Variants in RNF182 observed in about 807,000 individuals in gnomAD.
RNF182 encodes the protein ring finger protein 182.
Under a neutral mutation model 14.4 loss-of-function variants are expected in RNF182, and 15 were observed. That is an observed-to-expected ratio of 1.04 (90% CI 0.70 to 1.60). The LOEUF is 1.60. Ranked by LOEUF, RNF182 falls within the 40% of genes most tolerant of loss-of-function variation. The probability of loss-of-function intolerance (pLI) is 0.00; values close to 1 mark genes in which losing one functional copy is unlikely to be tolerated. For missense variants in RNF182, 268 were observed against 294.8 expected, an observed-to-expected ratio of 0.91 and a Z score of 0.67; for synonymous variants, 128 against 122.9, an observed-to-expected ratio of 1.04 and a Z score of -0.27.
At chr6:13,944,340 G>A (rs140968640) in intron 1 of RNF182, among the ~76,000 whole-genome samples, 1 of 152,298 alleles carries the variant, frequency 6.6e-6, no homozygotes, top group East Asian at 1.9e-4. Flanking sequence ...GGCATGTTAA[G>A]GAGGTGGTTT....
chr6:13,949,717 G>A (rs1009703505), intron 1 of RNF182: 7 of 232,148 alleles, frequency 3.0e-5, no homozygotes, highest in African/African-American at 4.6e-5. Context: ...CTTTGTGTAC[G>A]ATATCTTCAC....
chr6:13,934,877 C>A (rs960873247), intron 1 of RNF182, among the ~76,000 whole-genome samples: 3 of 152,112 alleles, frequency 2.0e-5, no homozygotes, highest in Admixed American at 1.3e-4. Flanking sequence ...TGATCAAGAG[C>A]AGAGCATTTC....
chr6:13,975,474 G>GA (rs1472851962), intron 2 of RNF182, among the ~76,000 whole-genome samples: 2 of 152,080 alleles, frequency 1.3e-5, no homozygotes, highest in East Asian at 1.9e-4. Flanking sequence ...TACTGTATTT[G>GA]AAAAAATCCT....
intron 1 of RNF182, among the ~76,000 whole-genome samples, chr6:13,934,509 G>T (rs1193488259): frequency 6.6e-6 from 1 of 152,150 alleles, no homozygotes; most frequent in Non-Finnish European, 1.5e-5. Context: ...TTTTCTGAGT[G>T]ACTTCTCCAA....
rs770391007 is a variant in RNF182, at chr6:13,977,104, G to A, written c.-16G>A. The A allele has an allele frequency of 4.4e-6, 7 of 1,602,498 alleles. No homozygotes were observed. The African/African-American group carries it at 8.0e-5, about 18-fold the overall frequency. The stretch of plus-strand genomic sequence containing the variant: ...AACAAGACCCACCTGGCATAAGATT[G>A]CACACATAATTCAAGATGGCCAGTC... On this transcript the variant is annotated 5_prime_UTR_variant, in exon 3 of 3. Transcript: ENST00000488300.
At chr6:13,957,537 T>C (rs555137637) in intron 1 of RNF182, among the ~76,000 whole-genome samples, 2 of 152,312 alleles carry the variant, frequency 1.3e-5, no homozygotes, top group East Asian at 3.8e-4. Flanking sequence ...CCGAGTACGG[T>C]TGGACCTTGG....
intron 1 of RNF182, among the ~76,000 whole-genome samples, chr6:13,951,048 C>T (rs897298807): frequency 1.3e-5 from 2 of 152,100 alleles, no homozygotes; most frequent in African/African-American, 4.8e-5. Context: ...CTGCCCACCT[C>T]AGCCTTCCAA....
rs569975469 is a variant in RNF182 at position 13,976,200 on chromosome 6, G to A, written c.-211-709G>A. ...ATCTGTGTTTACTTCTCTTTCTTGGGACTTAGACTTGACTTGTTCATAATG... is the reference window on the plus strand; with the variant it reads ...ATCTGTGTTTACTTCTCTTTCTTGGAACTTAGACTTGACTTGTTCATAATG... On this transcript the variant is annotated intron_variant, in intron 2 of 2. Transcript: ENST00000488300. Among the ~76,000 whole-genome samples the A allele has an allele frequency of 1.9e-4, 29 of 152,236 alleles. No homozygotes were observed. In the South Asian group the frequency reaches 4.1e-3, roughly 22 times the overall value.
chr6:13,951,046 C>T (rs1759577741), intron 1 of RNF182, among the ~76,000 whole-genome samples: 1 of 152,168 alleles, frequency 6.6e-6, no homozygotes, highest in Admixed American at 6.5e-5. Flanking sequence ...ATCTGCCCAC[C>T]TCAGCCTTCC....
rs1561784304 is a variant in RNF182 at position 13,960,646 on chromosome 6, G to GAGAGAGAGA, written c.-366-13564_-366-13563insAGAGAGAGA. On this transcript the variant is annotated intron_variant, in intron 1 of 2. Coordinates refer to ENST00000488300, the MANE Select transcript of RNF182 (RefSeq NM_152737.4). The stretch of plus-strand genomic sequence containing the variant: ...AGTAATATGTACTTTTTTGATGGAG[G>GAGAGAGAGA]GAGAGAGAGAGTGTGTGTGTGTGTG... Among the ~76,000 whole-genome samples the GAGAGAGAGA allele has an allele frequency of 7.4e-4, 110 of 148,148 alleles. 1 individual carries two copies. The highest frequency in any genetic ancestry group is 2.7e-3 in the African/African-American group (106 of 38,996).
intron 1 of RNF182, among the ~76,000 whole-genome samples, chr6:13,933,742 G>T (rs1051912049): frequency 6.6e-6 from 1 of 152,196 alleles, no homozygotes; most frequent in East Asian, 1.9e-4. Context: ...GTGAGGCCAG[G>T]CATGGTGGCT....
intron 1 of RNF182, among the ~76,000 whole-genome samples, chr6:13,960,620 G>A (rs547440738): frequency 6.6e-6 from 1 of 152,018 alleles, no homozygotes; most frequent in East Asian, 1.9e-4. Flanking sequence ...ATGGCTTTGG[G>A]AGTAATATGT....
upstream of RNF182, chr6:13,924,731 G>GA (rs1249084079): frequency 2.0e-5 from 3 of 152,146 alleles, no homozygotes; most frequent in Non-Finnish European, 2.9e-5. Flanking sequence ...TCGCTGGGGA[G>GA]AAACAGGCGG....
chr6:13,948,940 C>A (rs1286456699), intron 1 of RNF182, among the ~76,000 whole-genome samples: 1 of 152,028 alleles, frequency 6.6e-6, no homozygotes, highest in Admixed American at 6.6e-5. Flanking sequence ...AAAGAGAAAG[C>A]CAAATTTCAC....
chr6:13,941,078 G>A (rs182646967), intron 1 of RNF182, among the ~76,000 whole-genome samples: 251 of 151,944 alleles, frequency 1.7e-3, no homozygotes, highest in African/African-American at 5.7e-3. Context: ...CACATAGATT[G>A]GGTCAAATTC....
In RNF182 at chr6:13,979,836, C is replaced by T. The variant is rs1397549397; in HGVS notation, c.*1973C>T. 1 of 166,916 alleles carries T rather than the reference C, an allele frequency of 6.0e-6. No homozygotes were observed. The highest frequency in any genetic ancestry group is 1.5e-5 in the Non-Finnish European group (1 of 68,074). 10.3% of individuals were successfully genotyped at this position (166,916 alleles called of 1,614,324 possible). A position where few individuals can be genotyped will look rare whatever the true frequency, so the allele number is the denominator to read the frequency against. ...AATGTCTACAGTGATAAACTTGTGT[C>T]TCCGTGTATTGTGGCAGTCTTTTTT... On this transcript the variant is annotated 3_prime_UTR_variant, in exon 3 of 3. Transcript: ENST00000488300.
chr6:13,947,558 T>C (rs1759470871), intron 1 of RNF182, among the ~76,000 whole-genome samples: 1 of 152,210 alleles, frequency 6.6e-6, no homozygotes, highest in Non-Finnish European at 1.5e-5. Flanking sequence ...TAGATTAGAC[T>C]TTTTAAAGCC....
At chr6:13,959,258 A>G (rs948235858) in intron 1 of RNF182, among the ~76,000 whole-genome samples, 1 of 152,254 alleles carries the variant, frequency 6.6e-6, no homozygotes, top group African/African-American at 2.4e-5. Flanking sequence ...AGCCTAAAAC[A>G]TGAAAGACTT....
At chr6:13,971,930 G>C (rs1165100714) in intron 1 of RNF182, among the ~76,000 whole-genome samples, 1 of 152,224 alleles carries the variant, frequency 6.6e-6, no homozygotes, top group Non-Finnish European at 1.5e-5. Context: ...TTCAAGATGT[G>C]ATTTGGGTGC....
Sources: allele counts gnomAD v4.1 joint callset (sites outside exome capture counted in the v4.1 genomes callset), GRCh38; gene constraint gnomAD v4.1.1; transcripts MANE v1.5; gene names NCBI Gene and HGNC (gene_info 2026-07-23, HGNC 2026-07-21).